The following STK32B variants were observed in gnomAD, a reference collection of about 807,000 sequenced individuals.
The protein encoded by STK32B is serine/threonine-protein kinase 32B.
STK32B carries 43 observed loss-of-function variants against 52.6 expected under a neutral mutation model. That is an observed-to-expected ratio of 0.82 (90% confidence interval 0.64 to 1.05). The LOEUF is 1.05. Ranked by LOEUF, STK32B falls within the 50% of genes least tolerant of loss-of-function variation. The pLI, the probability that STK32B is intolerant of heterozygous loss-of-function variation, is 0.00. For synonymous variants in STK32B, 238 were observed against 204.3 expected (o/e 1.17, Z -1.41); for missense variants, 621 against 534.6 (o/e 1.16, Z -1.59).
At chr4:5,249,692 G>A (rs1014603451) in intron 3 of STK32B, among the ~76,000 whole-genome samples, 1 of 152,008 alleles carries the variant, frequency 6.6e-6, no homozygotes. Flanking sequence ...AAATACAGAG[G>A]CAGGTTAAAA....
intron 3 of STK32B, among the ~76,000 whole-genome samples, chr4:5,316,239 ATATATT>A (rs1730699900): frequency 1.6e-5 from 1 of 63,196 alleles, no homozygotes; most frequent in African/African-American, 1.3e-4. Flanking sequence ...ATACAATATT[ATATATT>A]GTATATATAA....
intron 4 of STK32B, among the ~76,000 whole-genome samples, chr4:5,341,232 A>G (rs990861221): frequency 2.6e-5 from 4 of 152,176 alleles, no homozygotes; most frequent in Admixed American, 6.5e-5. Context: ...TCTGGGAGCT[A>G]AGCCTCTAAC....
rs567442141 is a variant in STK32B at position 5,499,244 on chromosome 4, C to A, written c.*161C>A. Reference sequence around the variant, plus strand: ...GGAAGCCTGGGTTCTGGTCCCATCTCCATGACTGATTCACGTGTGACCTCA... The same window carrying A: ...GGAAGCCTGGGTTCTGGTCCCATCTACATGACTGATTCACGTGTGACCTCA... On this transcript the variant is annotated 3_prime_UTR_variant, in exon 12 of 12. Coordinates refer to ENST00000282908, the MANE Select transcript of STK32B (RefSeq NM_018401.3). The A allele has an allele frequency of 1.6e-5, 16 of 993,104 alleles. 1 individual carries two copies. The highest frequency in any genetic ancestry group is 7.0e-5 in the Admixed American group (2 of 28,458). 61.5% of individuals were successfully genotyped at this position (993,104 alleles called of 1,614,324 possible). A position where few individuals can be genotyped will look rare whatever the true frequency, so the allele number is the denominator to read the frequency against.
At chr4:5,055,764 C>G (rs1277522269) in intron 1 of STK32B, among the ~76,000 whole-genome samples, 3 of 152,138 alleles carry the variant, frequency 2.0e-5, no homozygotes, top group African/African-American at 7.2e-5. Context: ...CCCCCCCAGC[C>G]CACTCTCACT....
intron 3 of STK32B, among the ~76,000 whole-genome samples, chr4:5,174,092 A>C (rs1005116383): frequency 1.3e-5 from 2 of 151,952 alleles, no homozygotes; most frequent in African/African-American, 2.4e-5. Context: ...TGTTGGTTTA[A>C]AGTCTGTTTT....
rs183227723 is a variant in STK32B at position 5,078,840 on chromosome 4, G to A, written c.52+26925G>A. 1.7e-4 allele frequency among the ~76,000 whole-genome samples: 26 copies of A among 152,298 alleles called. No homozygotes were observed. In the South Asian group the frequency reaches 4.1e-3, roughly 24 times the overall value. ...GATCAAACTCTGCCTTTGAGAAGGG[G>A]GGGCCAGCACAGGGAAGTGGAGTTA... On this transcript the variant is annotated intron_variant, in intron 1 of 11. Coordinates refer to ENST00000282908, the MANE Select transcript of STK32B (RefSeq NM_018401.3).
chr4:5,344,497 T>G (rs577783163), intron 4 of STK32B, among the ~76,000 whole-genome samples: 2 of 152,190 alleles, frequency 1.3e-5, no homozygotes, highest in Non-Finnish European at 2.9e-5. Flanking sequence ...AGACTCACAG[T>G]CTTCTTTTAC....
chr4:5,340,671 A>T (rs1016147677), intron 4 of STK32B, among the ~76,000 whole-genome samples: 1 of 152,248 alleles, frequency 6.6e-6, no homozygotes, highest in Non-Finnish European at 1.5e-5. Flanking sequence ...AACTAAATAA[A>T]TAACAACAGT....
At chr4:5,232,631 G>GT (rs1724349530) in intron 3 of STK32B, among the ~76,000 whole-genome samples, 1 of 152,336 alleles carries the variant, frequency 6.6e-6, no homozygotes, top group Middle Eastern at 3.4e-3. Context: ...CTTCAGGATG[G>GT]TCAGGGGTGG....
rs578250105 is a variant in STK32B at position 5,276,024 on chromosome 4, C to T, written c.261-55196C>T. The stretch of plus-strand genomic sequence containing the variant: ...GACATTTAGGCCGGGCATGGTGGCT[C>T]ATGCCTGTAACCCCAGCACTTTCGG... On this transcript the variant is annotated intron_variant, in intron 3 of 11. Transcript: ENST00000282908. 1.2e-4 allele frequency among the ~76,000 whole-genome samples: 18 copies of T among 152,288 alleles called. 1 individual carries two copies. The South Asian group carries it at 3.5e-3, about 30-fold the overall frequency.
chr4:5,443,836 G>T (rs1715042004), intron 6 of STK32B, among the ~76,000 whole-genome samples: 1 of 152,128 alleles, frequency 6.6e-6, no homozygotes, highest in Non-Finnish European at 1.5e-5. Context: ...ACCCTCAGCT[G>T]CAGGTCTGTT....
chr4:5,302,900 G>T (rs959643257), intron 3 of STK32B, among the ~76,000 whole-genome samples: 1 of 151,862 alleles, frequency 6.6e-6, no homozygotes, highest in African/African-American at 2.4e-5. Flanking sequence ...AATGGTCTCC[G>T]TTACCATCCA....
chr4:5,424,814 A>G (rs1263408069), intron 6 of STK32B, among the ~76,000 whole-genome samples: 1 of 152,230 alleles, frequency 6.6e-6, no homozygotes, highest in Non-Finnish European at 1.5e-5. Context: ...CACGTTGTGA[A>G]CACAAGAAGG....
chr4:5,479,996 C>A (rs1312736599), intron 11 of STK32B, among the ~76,000 whole-genome samples: 1 of 152,108 alleles, frequency 6.6e-6, no homozygotes, highest in East Asian at 1.9e-4. Context: ...CCTCAGCTTT[C>A]TAATTGTAAA....
chr4:5,224,658 T>C (rs1247346377), intron 3 of STK32B, among the ~76,000 whole-genome samples: 2 of 152,186 alleles, frequency 1.3e-5, no homozygotes, highest in African/African-American at 4.8e-5. Context: ...TCAGGCCTAC[T>C]ACTGGGGAAT....
intron 1 of STK32B, among the ~76,000 whole-genome samples, chr4:5,083,001 A>T (rs1712525247): frequency 6.6e-6 from 1 of 152,206 alleles, no homozygotes; most frequent in Admixed American, 6.5e-5. Flanking sequence ...ACAATAAACG[A>T]ACACTTTATT....
rs1175376178 is a variant in STK32B at position 5,331,167 on chromosome 4, G to A, written c.261-53G>A. On this transcript the variant is annotated intron_variant, in intron 3 of 11. Transcript: ENST00000282908. Reference sequence around the variant, plus strand: ...TGTAAAATGGAGGCATTGGTCTTGAGGGTGCTGAAGGTGCCTCCACCCCTA... The same window carrying A: ...TGTAAAATGGAGGCATTGGTCTTGAAGGTGCTGAAGGTGCCTCCACCCCTA... 5.9e-6 allele frequency: 9 copies of A among 1,526,070 alleles called. No individual in the cohort carries two copies. The East Asian group carries it at 9.3e-5, about 16-fold the overall frequency. 94.5% of individuals were successfully genotyped at this position (1,526,070 alleles called of 1,614,324 possible). A position where few individuals can be genotyped will look rare whatever the true frequency, so the allele number is the denominator to read the frequency against.
chr4:5,339,679 G>C (rs1269830407), intron 4 of STK32B, among the ~76,000 whole-genome samples: 1 of 152,144 alleles, frequency 6.6e-6, no homozygotes, highest in Non-Finnish European at 1.5e-5. Context: ...GCCTGGGTTG[G>C]ATTGCCAAGG....
intron 3 of STK32B, among the ~76,000 whole-genome samples, chr4:5,177,402 C>A (rs745897450): frequency 6.6e-6 from 1 of 152,156 alleles, no homozygotes; most frequent in Non-Finnish European, 1.5e-5. Flanking sequence ...TAGGTCCCTC[C>A]CATGACATGT....
Sources: gnomAD v4.1 joint callset for allele counts (sites outside exome capture counted in the v4.1 genomes callset) on GRCh38, gnomAD v4.1.1 for gene constraint, MANE v1.5 for transcripts, NCBI Gene and HGNC (gene_info 2026-07-23, HGNC 2026-07-21) for gene names.